MANBA: variants seen among roughly 807,000 people sequenced by gnomAD.
MANBA encodes mannosidase beta.
A neutral mutation model predicts 111.1 loss-of-function variants in MANBA; 83 were observed. The ratio of observed to expected loss-of-function variants is 0.75; its 90% confidence interval spans 0.63 to 0.90. MANBA has a LOEUF of 0.90. Ranked by LOEUF, MANBA falls within the 40% of genes least tolerant of loss-of-function variation. The probability of loss-of-function intolerance (pLI) is 0.00; values close to 1 mark genes in which losing one functional copy is unlikely to be tolerated. For synonymous variants in MANBA, 370 were observed against 378.7 expected, an observed-to-expected ratio of 0.98 and a Z score of 0.27; for missense variants, 1,036 against 1,069.0, an observed-to-expected ratio of 0.97 and a Z score of 0.43.
At chr4:102,757,272 T>A (rs1261088572) in intron 1 of MANBA, among the ~76,000 whole-genome samples, 15 of 151,084 alleles carry the variant, frequency 9.9e-5, no homozygotes, top group Admixed American at 9.9e-4. Context: ...GAGGTTGCGG[T>A]GAGCCGAGAT....
chr4:102,731,898 TC>T (rs11348170), intron 1 of MANBA, among the ~76,000 whole-genome samples: 4,849 of 151,754 alleles, frequency 0.032, 256 homozygotes, highest in African/African-American at 0.11. Context: ...CTACCCCCTT[TC>T]CACTCTTTTT....
chr4:102,713,501 C>G (rs1722172108), intron 5 of MANBA, among the ~76,000 whole-genome samples: 1 of 152,210 alleles, frequency 6.6e-6, no homozygotes, highest in African/African-American at 2.4e-5. Context: ...ATTTAACCAG[C>G]TTTTAACTTA....
intron 1 of MANBA, chr4:102,727,363 T>C: frequency 1.3e-6 from 1 of 756,856 alleles, no homozygotes; most frequent in Non-Finnish European, 2.3e-6. Flanking sequence ...CATTCTGCCT[T>C]GGACATCTTT....
chr4:102,748,788 C>T (rs1487377032), intron 1 of MANBA, among the ~76,000 whole-genome samples: 1 of 152,108 alleles, frequency 6.6e-6, no homozygotes, highest in African/African-American at 2.4e-5. Context: ...TGGCAGGCGC[C>T]TGTAATCCCG....
At position 102,664,473 on chromosome 4, in the gene MANBA, C is replaced by G. The variant is rs140289949; in HGVS notation, c.1485+212G>C. On this transcript the variant is annotated intron_variant, in intron 11 of 16. Coordinates refer to ENST00000647097, the MANE Select transcript of MANBA (RefSeq NM_005908.4). ...ACGCCATGCTCCTGCCTCAGCCTCC[C>G]GAGTAGCTGGGACTACAGGCGCCCG... is the stretch of plus-strand genomic sequence containing the variant. 0.032 allele frequency among the ~76,000 whole-genome samples: 4,833 copies of G among 152,172 alleles called. 102 individuals are homozygous for G. The highest frequency in any genetic ancestry group is 0.045 in the Admixed American group (681 of 15,288).
intron 1 of MANBA, among the ~76,000 whole-genome samples, chr4:102,746,578 C>T (rs1010240798): frequency 6.6e-6 from 1 of 152,212 alleles, no homozygotes; most frequent in African/African-American, 2.4e-5. Flanking sequence ...AACTCCTTGC[C>T]TCTCACGAGC....
Position 102,745,967 on chromosome 4 carries a change from G to C in MANBA, c.177+14751C>G, listed in dbSNP as rs555869265. 3.3e-5 allele frequency among the ~76,000 whole-genome samples: 5 copies of C among 152,262 alleles called. No individual in the cohort carries two copies. In the East Asian group the frequency reaches 7.7e-4, roughly 24 times the overall value. ...GGTCTAGAAGCAAACAGGGGTGTTG[G>C]GGGTGGCTCCTGAGGAGAATCAACG... On this transcript the variant is annotated intron_variant, in intron 1 of 16. Coordinates refer to ENST00000647097, the MANE Select transcript of MANBA (RefSeq NM_005908.4).
intron 4 of MANBA, among the ~76,000 whole-genome samples, chr4:102,718,770 G>A (rs551090053): frequency 1.1e-4 from 16 of 152,266 alleles, no homozygotes; most frequent in Non-Finnish European, 2.1e-4. Context: ...TAAACAGAAA[G>A]AGTACAAAGA....
In MANBA at chr4:102,664,689, A is replaced by G; in HGVS notation, c.1481T>C (p.Leu494Pro). 6.2e-7 allele frequency: 1 copy of G among 1,611,360 alleles called. No homozygotes were observed. Among genetic ancestry groups the G allele is most frequent in the Non-Finnish European group, 8.5e-7 (1 of 1,177,392 alleles). Residue 494 changes from leucine (L) to proline (P), a missense_variant, in exon 11 of 17, where the codon CTG becomes CCG. By Grantham distance (98) the Leu-to-Pro change is moderately conservative. Coordinates refer to ENST00000647097, the MANE Select transcript of MANBA (RefSeq NM_005908.4). ...GCATTAAAAATCATTACTTACTGCC[A>G]GTACGAGCTCTCTGATGTTTTTCAC... ...LYVKNIRELV[L>P]AGDKSRPFIT...
At chr4:102,639,895 T>C (rs201813776) in intron 13 of MANBA, 38 bp from the exon 14 acceptor site, 19 of 1,611,422 alleles carry the variant, frequency 1.2e-5, no homozygotes, top group Non-Finnish European at 1.4e-5. Context: ...GTGTTATTGT[T>C]TGATGTAGAC....
chr4:102,677,158 A>C (rs1286482367), intron 7 of MANBA, among the ~76,000 whole-genome samples: 1 of 151,764 alleles, frequency 6.6e-6, no homozygotes, highest in Non-Finnish European at 1.5e-5. Flanking sequence ...GATAGAAAGA[A>C]GGACTGACAG....
At chr4:102,644,473 C>G (rs1417678194) in intron 13 of MANBA, among the ~76,000 whole-genome samples, 1 of 152,080 alleles carries the variant, frequency 6.6e-6, no homozygotes, top group Non-Finnish European at 1.5e-5. Context: ...GTTGTGACAA[C>G]CTGGAAGAAA....
Position 102,729,684 on chromosome 4 carries a change from G to T in MANBA, c.178-3001C>A, listed in dbSNP as rs1274381047. Reference sequence around the variant, plus strand: ...CAGCCCGGGCATGTTGCCAAGCTCCGCCTCCAGCTTCAGCTTCTCCTGGCC... The same window carrying T: ...CAGCCCGGGCATGTTGCCAAGCTCCTCCTCCAGCTTCAGCTTCTCCTGGCC... On this transcript the variant is annotated intron_variant, in intron 1 of 16. Transcript: ENST00000647097. The T allele has an allele frequency of 5.2e-6, 8 of 1,549,570 alleles. No individual in the cohort carries two copies. In the East Asian group the frequency reaches 1.6e-4, roughly 30 times the overall value.
At chr4:102,658,516 TG>T (rs1730682291) in intron 11 of MANBA, among the ~76,000 whole-genome samples, 1 of 152,208 alleles carries the variant, frequency 6.6e-6, no homozygotes, top group Non-Finnish European at 1.5e-5. Flanking sequence ...GTCTAAGCCT[TG>T]GTAGATTTAT....
chr4:102,657,699 A>G lies in MANBA; in HGVS notation c.1687T>C (p.Phe563Leu). The G allele has an allele frequency of 6.2e-7, 1 of 1,611,402 alleles. No individual in the cohort carries two copies. Among genetic ancestry groups the G allele is most frequent in the Non-Finnish European group, 8.5e-7 (1 of 1,177,502 alleles). The change falls in exon 12 of 17, where the codon TTC becomes CTC. Residue 563 changes from phenylalanine (F) to leucine (L), a missense_variant. Transcript: ENST00000647097. ...TGACTTACCTTTTCTAATGTACTGA[A>G]GGACGGCCAGGACTGATATCCATAT... Reference protein sequence around the residue: ...SEYGYQSWPSFSTLEKVSSTE... With the variant: ...SEYGYQSWPSLSTLEKVSSTE...
intron 1 of MANBA, chr4:102,730,722 T>A: frequency 1.9e-6 from 1 of 526,780 alleles, no homozygotes; most frequent in Non-Finnish European, 3.8e-6. Context: ...TCCCTACAGA[T>A]AGATGCTTCT....
intron 5 of MANBA, among the ~76,000 whole-genome samples, chr4:102,694,146 G>A (rs763741069): frequency 2.0e-5 from 3 of 152,124 alleles, no homozygotes; most frequent in African/African-American, 7.2e-5. Flanking sequence ...GAAGGTTCTC[G>A]AGCAAGTCCG....
At chr4:102,654,050 G>C (rs1730453692) in intron 12 of MANBA, among the ~76,000 whole-genome samples, 1 of 152,164 alleles carries the variant, frequency 6.6e-6, no homozygotes, top group Non-Finnish European at 1.5e-5. Context: ...AAGCACTGCA[G>C]GGTGGGAGAT....
At position 102,723,900 on chromosome 4, in the gene MANBA, C is replaced by T. The variant is rs1455710995; in HGVS notation, c.340G>A (p.Val114Ile). The T allele has an allele frequency of 1.2e-6, 2 of 1,610,014 alleles. No homozygotes were observed. Among genetic ancestry groups the T allele is most frequent in the East Asian group, 4.5e-5 (2 of 44,762 alleles). Residue 114 changes from valine (V) to isoleucine (I), a missense_variant, in exon 3 of 17, where the codon GTC (valine) becomes ATC (isoleucine). Coordinates refer to ENST00000647097, the MANE Select transcript of MANBA (RefSeq NM_005908.4). Reference sequence around the variant, plus strand: ...ATATTGTCTGTTTCCCCAATAGTGACTTCATTGAACAGGATTTTTGAAACC... The same window carrying T: ...ATATTGTCTGTTTCCCCAATAGTGATTTCATTGAACAGGATTTTTGAAACC... ...DTVSKILFNE[V>I]TIGETDNMFN... is the part of the protein sequence containing the mutation.
Sources: allele counts gnomAD v4.1 joint callset (sites outside exome capture counted in the v4.1 genomes callset), GRCh38; gene constraint gnomAD v4.1.1; transcripts MANE v1.5; gene names NCBI Gene and HGNC (gene_info 2026-07-23, HGNC 2026-07-21).